The following ENTPD7 variants were observed in gnomAD, a reference collection of about 807,000 sequenced individuals.
The protein encoded by ENTPD7 is ectonucleoside triphosphate diphosphohydrolase 7.
In ENTPD7, 53 loss-of-function variants were observed where a neutral mutation model predicts 77.9. That is an observed-to-expected ratio of 0.68 (90% CI 0.55 to 0.85). ENTPD7 has a LOEUF of 0.85. ENTPD7 is among the 40% of genes least tolerant of loss of function. The pLI, the probability that ENTPD7 is intolerant of heterozygous loss-of-function variation, is 0.00. For missense variants in ENTPD7, 636 were observed against 743.7 expected, an observed-to-expected ratio of 0.86 and a Z score of 1.68; for synonymous variants, 248 against 274.9, an observed-to-expected ratio of 0.90 and a Z score of 0.97.
At position 99,700,979 on chromosome 10, in the gene ENTPD7, T is replaced by G. The variant is rs1564636535; in HGVS notation, c.1342T>G (p.Cys448Gly). ...PTFAKAAQDY[C>G]GMAWSVLTQR... The stretch of plus-strand genomic sequence containing the variant: ...TTCTCTGTGGTTGATCCAGGATTAC[T>G]GTGGCATGGCTTGGTCGGTACTAAC... The change falls in exon 11 of 13, where the codon TGT becomes GGT. Residue 448 changes from cysteine (C) to glycine (G), a missense_variant. Physicochemically the swap from Cys to Gly is radical, Grantham distance 159. Transcript: ENST00000370489. 6.2e-7 allele frequency: 1 copy of G among 1,613,988 alleles called. No individual in the cohort carries two copies.
Position 99,708,771 on chromosome 10 carries a change from T to G in ENTPD7, c.*4088T>G. 1 of 949,976 alleles carries G rather than the reference T, an allele frequency of 1.1e-6. No homozygotes were observed. The highest frequency in any genetic ancestry group is 1.3e-6 in the Non-Finnish European group (1 of 797,644). The allele number at this position is 949,976 out of a possible 1,614,324, so 58.8% of individuals were successfully genotyped here. On this transcript the variant is annotated 3_prime_UTR_variant, in exon 13 of 13. Coordinates refer to ENST00000370489, the MANE Select transcript of ENTPD7 (RefSeq NM_020354.5). ...CCTTGATTTATATGGGTGATAAAAC[T>G]GAGGCCTAGAGCAGTTGTAATATGT... is the stretch of plus-strand genomic sequence containing the variant.
In ENTPD7 at chr10:99,708,680, G is replaced by A. The variant is rs975145301; in HGVS notation, c.*3997G>A. 6 of 340,418 alleles carry A rather than the reference G, an allele frequency of 1.8e-5. No homozygotes were observed. Among genetic ancestry groups the A allele is most frequent in the Non-Finnish European group, 2.5e-5 (6 of 240,558 alleles). The allele number at this position is 340,418 out of a possible 1,614,324, so 21.1% of individuals were successfully genotyped here. A position where few individuals can be genotyped will look rare whatever the true frequency, so the allele number is the denominator to read the frequency against. On this transcript the variant is annotated 3_prime_UTR_variant, in exon 13 of 13. Transcript: ENST00000370489. ...CATAACCCCTGATGATAAGGTTGGTGGGAACAGAGTTTCTAATAGTAATCA... is the reference window on the plus strand; with the variant it reads ...CATAACCCCTGATGATAAGGTTGGTAGGAACAGAGTTTCTAATAGTAATCA...
At position 99,710,284 on chromosome 10, in the gene ENTPD7, A is replaced by G. The variant is rs1004759624; in HGVS notation, c.*5601A>G. ...CTGCAAGCAGGGATCCCAGACACAT[A>G]CTTTGGTTTCTAGTGTTTCAGTTAC... On this transcript the variant is annotated 3_prime_UTR_variant, in exon 13 of 13. Transcript: ENST00000370489. 1.0e-6 allele frequency: 1 copy of G among 985,216 alleles called. No homozygotes were observed. Among genetic ancestry groups the G allele is most frequent in the Non-Finnish European group, 1.2e-6 (1 of 829,926 alleles). The allele number at this position is 985,216 out of a possible 1,614,324, so 61.0% of individuals were successfully genotyped here. A position where few individuals can be genotyped will look rare whatever the true frequency, so the allele number is the denominator to read the frequency against.
Position 99,661,498 on chromosome 10 carries a change from G to A in ENTPD7, c.61G>A (p.Val21Met). Residue 21 changes from valine (V) to methionine (M), a missense_variant, in exon 3 of 13, where the codon GTG (valine) becomes ATG (methionine). Transcript: ENST00000370489. ...CTCCTGGTACTTCACTGTGCCCACAGTGAGTCCATTTCTCCGTCAGCGGGT... is the reference window on the plus strand; with the variant it reads ...CTCCTGGTACTTCACTGTGCCCACAATGAGTCCATTTCTCCGTCAGCGGGT... Reference protein sequence around the residue: ...PASWYFTVPTVSPFLRQRVAF... With the variant: ...PASWYFTVPTMSPFLRQRVAF... 6.2e-7 allele frequency: 1 copy of A among 1,613,822 alleles called. No homozygotes were observed. The highest frequency in any genetic ancestry group is 1.7e-4 in the Middle Eastern group (1 of 6,060).
chr10:99,689,263 A>G (rs999025727), intron 7 of ENTPD7, among the ~76,000 whole-genome samples: 8 of 152,192 alleles, frequency 5.3e-5, no homozygotes, highest in African/African-American at 1.4e-4. Context: ...TGATTTTCTC[A>G]AGAATGTTTA....
At chr10:99,698,372 G>A (rs998679381) in intron 9 of ENTPD7, among the ~76,000 whole-genome samples, 162 bp from the exon 10 acceptor site, 3 of 152,106 alleles carry the variant, frequency 2.0e-5, no homozygotes, top group Non-Finnish European at 2.9e-5. Flanking sequence ...TTAACTTGCT[G>A]AAGTTAAATG....
At position 99,700,958 on chromosome 10, in the gene ENTPD7, C is replaced by T. The variant is rs2036109444; in HGVS notation, c.1336-15C>T. ...TCCAAATTCATGTTGCACTATTTCT[C>T]TGTGGTTGATCCAGGATTACTGTGG... On this transcript the variant is annotated splice_polypyrimidine_tract_variant and intron_variant, in intron 10 of 12. Coordinates refer to ENST00000370489, the MANE Select transcript of ENTPD7 (RefSeq NM_020354.5). The T allele has an allele frequency of 1.2e-6, 2 of 1,610,550 alleles. No homozygotes were observed. The highest frequency in any genetic ancestry group is 8.5e-7 in the Non-Finnish European group (1 of 1,177,128).
At chr10:99,665,521 A>G (rs528678720) in intron 3 of ENTPD7, among the ~76,000 whole-genome samples, 19 of 152,150 alleles carry the variant, frequency 1.2e-4, no homozygotes, top group African/African-American at 4.6e-4. Flanking sequence ...TCATTCATTC[A>G]TCATTCATTC....
chr10:99,682,691 T>A (rs2035767703), intron 5 of ENTPD7, among the ~76,000 whole-genome samples: 1 of 152,220 alleles, frequency 6.6e-6, no homozygotes, highest in Non-Finnish European at 1.5e-5. Flanking sequence ...AATCATACTG[T>A]GCATGCAATT....
chr10:99,700,794 GATGACGGGAATAAACAGGGGT>G lies in ENTPD7; in HGVS notation c.1336-172_1336-152del. On this transcript the variant is annotated intron_variant, in intron 10 of 12. Coordinates refer to ENST00000370489, the MANE Select transcript of ENTPD7 (RefSeq NM_020354.5). Reference sequence around the variant, plus strand: ...CAAGCTGGCTTGGTGCTAGACATGGGATGACGGGAATAAACAGGGGTATGACGCAGTGTTTAGTGAATGAAC... The same window carrying G: ...CAAGCTGGCTTGGTGCTAGACATGGGATGACGCAGTGTTTAGTGAATGAAC... 7.7e-6 allele frequency: 5 copies of G among 653,196 alleles called. No homozygotes were observed. In the South Asian group the frequency reaches 9.0e-5, roughly 12 times the overall value. 40.5% of individuals were successfully genotyped at this position (653,196 alleles called of 1,614,324 possible). A position where few individuals can be genotyped will look rare whatever the true frequency, so the allele number is the denominator to read the frequency against.
intron 2 of ENTPD7, 21 bp from the exon 3 acceptor site, chr10:99,661,425 C>A: frequency 6.3e-7 from 1 of 1,579,040 alleles, no homozygotes; most frequent in South Asian, 1.2e-5. Flanking sequence ...TTCAGACTTA[C>A]TAATGTTTGT....
At chr10:99,680,879 A>G (rs139246814) in intron 5 of ENTPD7, among the ~76,000 whole-genome samples, 6 of 152,302 alleles carry the variant, frequency 3.9e-5, no homozygotes, top group South Asian at 4.1e-4. Flanking sequence ...GTCTGGCCCA[A>G]CAAATTTTTA....
intron 5 of ENTPD7, among the ~76,000 whole-genome samples, chr10:99,685,257 C>CA (rs1167515088): frequency 5.3e-5 from 8 of 151,842 alleles, no homozygotes; most frequent in African/African-American, 1.7e-4. Context: ...AACTCCGTCT[C>CA]AAAAAAAAGT....
intron 3 of ENTPD7, among the ~76,000 whole-genome samples, chr10:99,662,060 T>C (rs1292762179): frequency 6.6e-6 from 1 of 152,234 alleles, no homozygotes; most frequent in Admixed American, 6.5e-5. Flanking sequence ...AGTTTTAGCC[T>C]ATTGGTGTCT....
At chr10:99,665,772 C>T (rs1049540583) in intron 3 of ENTPD7, among the ~76,000 whole-genome samples, 14 of 152,092 alleles carry the variant, frequency 9.2e-5, no homozygotes, top group African/African-American at 3.4e-4. Flanking sequence ...AACACCTGGG[C>T]TCAAGCGATC....
Position 99,691,369 on chromosome 10 carries a change from C to A in ENTPD7, c.710-16C>A. On this transcript the variant is annotated splice_polypyrimidine_tract_variant and intron_variant, in intron 7 of 12. Coordinates refer to ENST00000370489, the MANE Select transcript of ENTPD7 (RefSeq NM_020354.5). ...TTTTAATTACTAGGGCCTTTTTGTT[C>A]TCTTATTTATTTCAGAATCAGATGC... The A allele has an allele frequency of 6.2e-7, 1 of 1,604,318 alleles. No homozygotes were observed. Among genetic ancestry groups the A allele is most frequent in the Non-Finnish European group, 8.5e-7 (1 of 1,177,000 alleles).
At chr10:99,702,770 A>C in intron 12 of ENTPD7, 97 bp downstream of exon 12, 3 of 1,216,420 alleles carry the variant, frequency 2.5e-6, no homozygotes, top group Non-Finnish European at 3.3e-6. Context: ...ACCAGCTTAG[A>C]ATAGGTCTTA....
At chr10:99,700,186 C>T (rs1324160279) in intron 10 of ENTPD7, among the ~76,000 whole-genome samples, 1 of 152,132 alleles carries the variant, frequency 6.6e-6, no homozygotes, top group Non-Finnish European at 1.5e-5. Flanking sequence ...CCCTTGAACA[C>T]CAAAAGGCTC....
At chr10:99,685,118 G>A (rs1460890721) in intron 5 of ENTPD7, among the ~76,000 whole-genome samples, 2 of 152,268 alleles carry the variant, frequency 1.3e-5, no homozygotes, top group South Asian at 2.1e-4. Context: ...TTAGCCGGGT[G>A]TGGTGATCCA....
Sources: gnomAD v4.1 joint callset for allele counts (sites outside exome capture counted in the v4.1 genomes callset) on GRCh38, gnomAD v4.1.1 for gene constraint, MANE v1.5 for transcripts, NCBI Gene and HGNC (gene_info 2026-07-23, HGNC 2026-07-21) for gene names.